Variants in LIPA observed in about 807,000 individuals in gnomAD.
LIPA encodes lipase A, lysosomal acid type.
LIPA carries 26 observed loss-of-function variants against 40.6 expected under a neutral mutation model. The observed-to-expected ratio is 0.64, with a 90% CI of 0.47 to 0.89. The LOEUF (loss-of-function observed/expected upper bound fraction) is 0.89. Ranked by LOEUF, LIPA falls within the 40% of genes least tolerant of loss-of-function variation. The pLI, the probability that LIPA is intolerant of heterozygous loss-of-function variation, is 0.00. For synonymous variants in LIPA, 188 were observed against 168.4 expected (o/e 1.12, Z -0.90); for missense variants, 455 against 479.6 (o/e 0.95, Z 0.48).
intron 2 of LIPA, among the ~76,000 whole-genome samples, chr10:89,401,140 T>G (rs1844415860): frequency 6.6e-6 from 1 of 151,510 alleles, no homozygotes; most frequent in Admixed American, 6.6e-5. Flanking sequence ...TTTTTGAGAC[T>G]GAGTTTCTCT....
chr10:89,307,713 G>T (rs1204535024), intron 1 of LIPA: 3 of 205,832 alleles, frequency 1.5e-5, no homozygotes, highest in Admixed American at 5.2e-5. Flanking sequence ...ATATAAAGCA[G>T]CCAAATCCTT....
At chr10:89,402,857 C>G (rs1404278165) in intron 2 of LIPA, 2 of 1,614,162 alleles carry the variant, frequency 1.2e-6, no homozygotes, top group Admixed American at 3.3e-5. Context: ...TTAAATTAGC[C>G]ACAAAAAATC....
At chr10:89,363,141 G>A (rs1844033337) in intron 2 of LIPA, 6 of 225,472 alleles carry the variant, frequency 2.7e-5, no homozygotes, top group Non-Finnish European at 4.0e-5. Flanking sequence ...GGCCTTGCAG[G>A]GAACACCCAC....
rs1005199851 is a variant in LIPA, at chr10:89,282,649, A to T, written c.-1-35000T>A. ...GAGCGAAACTCCGTCTCAAAAAAAT[A>T]AAAAAAAAAGAAAGAAAGAAAACAG... On this transcript the variant is annotated intron_variant, in intron 1 of 5. Coordinates refer to the LIPA transcript ENST00000282673. Among the ~76,000 whole-genome samples, 13 of 145,208 alleles carry T rather than the reference A, an allele frequency of 9.0e-5. No individual in the cohort carries two copies. In the East Asian group the frequency reaches 2.5e-3, roughly 28 times the overall value.
chr10:89,383,646 G>A (rs1331271109), intron 2 of LIPA: 1 of 1,614,228 alleles, frequency 6.2e-7, no homozygotes. Context: ...TGGGCAGATT[G>A]GCAGAAGCCC....
chr10:89,254,074 C>T (rs531493337), upstream of LIPA, among the ~76,000 whole-genome samples: 10 of 152,322 alleles, frequency 6.6e-5, no homozygotes, highest in East Asian at 1.2e-3. Flanking sequence ...TGCAAGCTAT[C>T]GGTGGATCTA....
At chr10:89,225,529 A>G (rs1842757941) in intron 5 of LIPA, among the ~76,000 whole-genome samples, 1 of 152,274 alleles carries the variant, frequency 6.6e-6, no homozygotes, top group South Asian at 2.1e-4. Flanking sequence ...TTCCTTTTAC[A>G]ATGTAAATAA....
chr10:89,401,899 C>T (rs1242099026), intron 2 of LIPA, among the ~76,000 whole-genome samples: 1 of 151,996 alleles, frequency 6.6e-6, no homozygotes, highest in Admixed American at 6.6e-5. Context: ...TTCTGCATTT[C>T]TAACTGACCT....
intron 1 of LIPA, among the ~76,000 whole-genome samples, chr10:89,320,947 G>C (rs1396785982): frequency 5.1e-4 from 77 of 151,870 alleles, no homozygotes; most frequent in African/African-American, 1.7e-3. Flanking sequence ...TGACAAACCT[G>C]ACAAAAACAA....
intron 2 of LIPA, among the ~76,000 whole-genome samples, chr10:89,351,588 C>T (rs1843958953): frequency 6.6e-6 from 1 of 152,174 alleles, no homozygotes; most frequent in Non-Finnish European, 1.5e-5. Flanking sequence ...AACAGGCAGC[C>T]ACAGGTTTCA....
intron 2 of LIPA, chr10:89,384,600 T>C (rs371267850): frequency 6.2e-7 from 1 of 1,614,056 alleles, no homozygotes; most frequent in African/African-American, 1.3e-5. Context: ...CTAAAAGATG[T>C]ATTCACCAGA....
At chr10:89,225,900 CTT>C (rs777287864) in intron 5 of LIPA, among the ~76,000 whole-genome samples, 21 of 152,300 alleles carry the variant, frequency 1.4e-4, no homozygotes, top group African/African-American at 4.1e-4. Flanking sequence ...CTCACTCTCT[CTT>C]GTCTGCCACC....
intron 2 of LIPA, among the ~76,000 whole-genome samples, chr10:89,377,659 T>G (rs1340954485): frequency 6.6e-6 from 1 of 152,214 alleles, no homozygotes; most frequent in East Asian, 1.9e-4. Flanking sequence ...CCACTGACCC[T>G]GGTCTAAGGA....
At chr10:89,339,976 G>A (rs1477839131) in intron 1 of LIPA, 1 of 1,614,208 alleles carries the variant, frequency 6.2e-7, no homozygotes, top group South Asian at 1.1e-5. Context: ...TTATGAGAAG[G>A]AACTGGGCCG....
At chr10:89,355,811 G>T (rs1250918919) in intron 2 of LIPA, among the ~76,000 whole-genome samples, 1 of 152,160 alleles carries the variant, frequency 6.6e-6, no homozygotes, top group Non-Finnish European at 1.5e-5. Context: ...GCATTAGCAT[G>T]CTAAAAGACA....
Position 89,215,954 on chromosome 10 carries a change from T to A in LIPA, c.950A>T (p.Tyr317Phe), listed in dbSNP as rs765627336. 1.2e-6 allele frequency: 2 copies of A among 1,610,266 alleles called. No individual in the cohort carries two copies. Among genetic ancestry groups the A allele is most frequent in the South Asian group, 1.1e-5 (1 of 91,004 alleles). ...AAACTTTACCTGGTTGTAATGAAAA[T>A]AATTCTTGGCACTGCTTCCCCAGTC... is the stretch of plus-strand genomic sequence containing the variant. ...AFDWGSSAKNYFHYNQSYPPT... is the reference protein window; with the variant it reads ...AFDWGSSAKNFFHYNQSYPPT... The change falls in exon 9 of 10, where the codon TAT (tyrosine) becomes TTT (phenylalanine). Residue 317 changes from tyrosine (Y) to phenylalanine (F), a missense_variant. Coordinates refer to ENST00000336233, the MANE Select transcript of LIPA (RefSeq NM_000235.4).
intron 2 of LIPA, chr10:89,383,594 G>A: frequency 6.2e-7 from 1 of 1,614,182 alleles, no homozygotes; most frequent in African/African-American, 1.3e-5. Flanking sequence ...GATATTAGAA[G>A]TCTGGTGACC....
At chr10:89,393,911 T>C (rs1228369872) in intron 2 of LIPA, among the ~76,000 whole-genome samples, 3 of 152,206 alleles carry the variant, frequency 2.0e-5, no homozygotes, top group Non-Finnish European at 4.4e-5. Context: ...ATAATAATAA[T>C]ATTAAATGTT....
intron 3 of LIPA, among the ~76,000 whole-genome samples, chr10:89,240,423 G>A (rs1186980223): frequency 6.6e-6 from 1 of 152,172 alleles, no homozygotes; most frequent in East Asian, 1.9e-4. Flanking sequence ...TAGCCTGGGA[G>A]ACACGGTGAG....
Sources: gnomAD v4.1 joint callset for allele counts (sites outside exome capture counted in the v4.1 genomes callset) on GRCh38, gnomAD v4.1.1 for gene constraint, MANE v1.5 for transcripts, NCBI Gene and HGNC (gene_info 2026-07-23, HGNC 2026-07-21) for gene names.